UNC13C: variants seen among roughly 807,000 people sequenced by gnomAD.
UNC13C encodes unc-13 homolog C.
UNC13C carries 174 observed loss-of-function variants against 245.4 expected under a neutral mutation model. The observed-to-expected ratio is 0.71, with a 90% confidence interval of 0.63 to 0.80. The LOEUF (loss-of-function observed/expected upper bound fraction) is 0.80, where lower values mean the gene tolerates loss of function less well. Ranked by LOEUF, UNC13C falls within the 30% of genes least tolerant of loss-of-function variation. The pLI is 0.00. For synonymous variants in UNC13C, 992 were observed against 895.1 expected, an observed-to-expected ratio of 1.11 and a Z score of -1.93; for missense variants, 2,829 against 2,602.9, an observed-to-expected ratio of 1.09 and a Z score of -1.89.
chr15:54,518,205 G>A (rs565845153), intron 24 of UNC13C, among the ~76,000 whole-genome samples: 1 of 152,246 alleles, frequency 6.6e-6, no homozygotes, highest in Non-Finnish European at 1.5e-5. Flanking sequence ...TAATAATTTA[G>A]CACTACTACC....
intron 2 of UNC13C, among the ~76,000 whole-genome samples, chr15:54,072,532 T>C (rs1185921290): frequency 6.6e-6 from 1 of 152,194 alleles, no homozygotes; most frequent in Admixed American, 6.5e-5. Context: ...CATGTTACTA[T>C]GATATGGGTC....
At chr15:54,518,361 T>C (rs1895071495) in intron 24 of UNC13C, among the ~76,000 whole-genome samples, 1 of 152,128 alleles carries the variant, frequency 6.6e-6, no homozygotes, top group East Asian at 1.9e-4. Flanking sequence ...TCCCAGAGCA[T>C]TTAAGAGAGC....
intron 1 of UNC13C, among the ~76,000 whole-genome samples, chr15:53,996,961 T>C (rs1425288025): frequency 6.6e-6 from 1 of 152,024 alleles, no homozygotes; most frequent in Non-Finnish European, 1.5e-5. Context: ...AATCATAGGG[T>C]GCATGTAGGC....
chr15:53,959,544 A>C, the UNC13C span, among the ~76,000 whole-genome samples: 1 of 151,726 alleles, frequency 6.6e-6, no homozygotes, highest in Admixed American at 6.6e-5. Context: ...TCTTAGTTTA[A>C]CTCTGTTGAT....
chr15:54,305,613 A>G (rs552989241), intron 13 of UNC13C, among the ~76,000 whole-genome samples: 3 of 152,072 alleles, frequency 2.0e-5, no homozygotes, highest in Non-Finnish European at 4.4e-5. Context: ...GAACAACAAC[A>G]ATAAAAGTAA....
rs1466626885 is a variant in UNC13C at position 53,978,912 on chromosome 15, AAGG to A, written c.-269_-267del. Among the ~76,000 whole-genome samples, 19 of 152,302 alleles carry A rather than the reference AAGG, an allele frequency of 1.2e-4. No individual in the cohort carries two copies. The East Asian group carries it at 3.7e-3, about 29-fold the overall frequency. Reference sequence around the variant, plus strand: ...CAGTTGGCGTGCACATTTTTTTTTAAAGGAGAATTCCTCAGGTATGTTCTTTCC... The same window carrying A: ...CAGTTGGCGTGCACATTTTTTTTTAAAGAATTCCTCAGGTATGTTCTTTCC... On this transcript the variant is annotated 5_prime_UTR_variant, in exon 1 of 33. Coordinates refer to ENST00000260323, the MANE Select transcript of UNC13C (RefSeq NM_001080534.3).
At chr15:54,441,778 C>T (rs1036983194) in intron 19 of UNC13C, among the ~76,000 whole-genome samples, 6 of 151,798 alleles carry the variant, frequency 4.0e-5, no homozygotes, top group African/African-American at 7.3e-5. Context: ...GGTTGATTTA[C>T]GTGTATGATT....
chr15:54,399,106 A>G (rs1332338000), intron 18 of UNC13C, among the ~76,000 whole-genome samples: 1 of 151,660 alleles, frequency 6.6e-6, no homozygotes, highest in East Asian at 1.9e-4. Context: ...TTATGACTAA[A>G]TGCACTGAGT....
At chr15:54,350,093 G>T (rs943104323) in intron 17 of UNC13C, among the ~76,000 whole-genome samples, 1 of 151,830 alleles carries the variant, frequency 6.6e-6, no homozygotes, top group African/African-American at 2.4e-5. Context: ...CTGGCTTCAC[G>T]CCAGTCTCCT....
At chr15:53,850,745 G>A in the UNC13C span, among the ~76,000 whole-genome samples, 2 of 151,874 alleles carry the variant, frequency 1.3e-5, no homozygotes, top group South Asian at 2.1e-4. Context: ...GATAAATATT[G>A]TCTATGATTT....
the UNC13C span, among the ~76,000 whole-genome samples, chr15:53,882,018 C>G: frequency 2.0e-5 from 3 of 152,088 alleles, no homozygotes; most frequent in Non-Finnish European, 2.9e-5. Context: ...AGATGAGACA[C>G]TTAGGTTTGA....
chr15:54,622,296 C>T (rs370022804), intron 30 of UNC13C, 31 bp from the exon 31 acceptor site: 1 of 1,489,518 alleles, frequency 6.7e-7, no homozygotes, highest in South Asian at 1.1e-5. Context: ...AGTCTGAAAG[C>T]TCAGGCCAGT....
chr15:54,043,145 A>T (rs1352555474), intron 2 of UNC13C, among the ~76,000 whole-genome samples: 3 of 152,240 alleles, frequency 2.0e-5, no homozygotes, highest in African/African-American at 7.2e-5. Context: ...ATACATTTTT[A>T]AAACCATATA....
At chr15:54,448,181 G>A (rs1326816021) in intron 19 of UNC13C, among the ~76,000 whole-genome samples, 1 of 152,214 alleles carries the variant, frequency 6.6e-6, no homozygotes, top group African/African-American at 2.4e-5. Context: ...GCTGAGAAAT[G>A]CTTTACTTCC....
At position 54,143,022 on chromosome 15, in the gene UNC13C, C is replaced by A; in HGVS notation, c.2988C>A (p.Ser996Arg). Reference sequence around the variant, plus strand: ...CTTTTCCTGATTCTCTTTCAGATAGCAGTTCTGTGGATGAAAAGGTTTTAA... The same window carrying A: ...CTTTTCCTGATTCTCTTTCAGATAGAAGTTCTGTGGATGAAAAGGTTTTAA... ...ELEEKILAGDSSSVDEKARIV... is the reference protein window; with the variant it reads ...ELEEKILAGDRSSVDEKARIV... The change falls in exon 3 of 33, where the codon AGC becomes AGA. Residue 996 changes from serine (S) to arginine (R), a missense_variant. Physicochemically the swap from Ser to Arg is moderately radical, Grantham distance 110. Coordinates refer to ENST00000260323, the MANE Select transcript of UNC13C (RefSeq NM_001080534.3). 1 of 1,611,690 alleles carries A rather than the reference C, an allele frequency of 6.2e-7. No homozygotes were observed.
chr15:54,283,804 G>A (rs1260728964), intron 10 of UNC13C, among the ~76,000 whole-genome samples: 1 of 151,884 alleles, frequency 6.6e-6, no homozygotes, highest in Admixed American at 6.6e-5. Flanking sequence ...GGGCGCAGAG[G>A]CTCAGTGCAA....
At chr15:54,274,517 C>G (rs1247448388) in intron 10 of UNC13C, among the ~76,000 whole-genome samples, 1 of 151,952 alleles carries the variant, frequency 6.6e-6, no homozygotes, top group African/African-American at 2.4e-5. Context: ...AATAATCCAT[C>G]CCAACAAGCA....
intron 2 of UNC13C, among the ~76,000 whole-genome samples, chr15:54,070,000 T>C (rs1230020306): frequency 6.6e-6 from 1 of 152,250 alleles, no homozygotes; most frequent in Non-Finnish European, 1.5e-5. Flanking sequence ...TTCCGTTTTA[T>C]AATGATCCTT....
At chr15:53,953,944 G>A in the UNC13C span, among the ~76,000 whole-genome samples, 1 of 152,228 alleles carries the variant, frequency 6.6e-6, no homozygotes, top group South Asian at 2.1e-4. Context: ...CTTCCATGGT[G>A]ACTGTAAGGG....
Sources: allele counts gnomAD v4.1 joint callset (sites outside exome capture counted in the v4.1 genomes callset), GRCh38; gene constraint gnomAD v4.1.1; transcripts MANE v1.5; gene names NCBI Gene and HGNC (gene_info 2026-07-23, HGNC 2026-07-21).